RANBP17: variants seen among roughly 807,000 people sequenced by gnomAD.
RANBP17 encodes ran-binding protein 17.
RANBP17 carries 158 observed loss-of-function variants against 141.2 expected under a neutral mutation model. That is an observed-to-expected ratio of 1.12 (90% CI 0.98 to 1.28). The LOEUF (loss-of-function observed/expected upper bound fraction) is 1.28, where lower values mean the gene tolerates loss of function less well. Ranked by LOEUF, RANBP17 falls within the 50% of genes most tolerant of loss-of-function variation. RANBP17 has a pLI of 0.00. For synonymous variants in RANBP17, 430 were observed against 450.0 expected (o/e 0.96, Z 0.56); for missense variants, 1,438 against 1,290.7 (o/e 1.11, Z -1.75).
intron 14 of RANBP17, among the ~76,000 whole-genome samples, chr5:170,981,416 G>A (rs182694579): frequency 6.6e-6 from 1 of 152,230 alleles, no homozygotes; most frequent in East Asian, 1.9e-4. Flanking sequence ...GAATTCTCGT[G>A]TGTTGTGGGA....
intron 14 of RANBP17, among the ~76,000 whole-genome samples, chr5:170,986,533 T>C (rs1475402894): frequency 6.6e-6 from 1 of 151,926 alleles, no homozygotes; most frequent in Admixed American, 6.6e-5. Context: ...TGTATGCCTT[T>C]ATCAAAACAT....
At chr5:171,238,191 A>T (rs1437761932) in intron 22 of RANBP17, among the ~76,000 whole-genome samples, 1 of 152,180 alleles carries the variant, frequency 6.6e-6, no homozygotes, top group African/African-American at 2.4e-5. Context: ...GTCTTCCATT[A>T]TTAAGACGCT....
Position 170,924,539 on chromosome 5 carries a change from C to G in RANBP17, c.1457C>G (p.Thr486Ser). ...TATTCTGGTGTAACTGTGGACATCA[C>G]CATTCAGGAAGGTCAGTAAACTTTA... ...HPYSGVTVDITIQEGRLAWLV... is the reference protein window; with the variant it reads ...HPYSGVTVDISIQEGRLAWLV... Residue 486 changes from threonine (T) to serine (S), a missense_variant, in exon 12 of 28, where the codon ACC becomes AGC. Physicochemically the swap from Thr to Ser is moderately conservative, Grantham distance 58. Coordinates refer to ENST00000523189, the MANE Select transcript of RANBP17 (RefSeq NM_022897.5). 4 of 1,596,150 alleles carry G rather than the reference C, an allele frequency of 2.5e-6. No homozygotes were observed. The highest frequency in any genetic ancestry group is 3.4e-6 in the Non-Finnish European group (4 of 1,165,908).
At chr5:170,920,435 T>C (rs1298513197) in intron 11 of RANBP17, among the ~76,000 whole-genome samples, 1 of 152,164 alleles carries the variant, frequency 6.6e-6, no homozygotes, top group African/African-American at 2.4e-5. Context: ...CATGCACTTA[T>C]TTACCATCTG....
intron 14 of RANBP17, among the ~76,000 whole-genome samples, chr5:171,065,190 C>G (rs1364626393): frequency 2.6e-5 from 4 of 152,028 alleles, no homozygotes; most frequent in Non-Finnish European, 5.9e-5. Context: ...AGGAATGAAT[C>G]TACTTTTACC....
At chr5:171,277,712 T>G (rs1767608333) in intron 25 of RANBP17, among the ~76,000 whole-genome samples, 2 of 140,020 alleles carry the variant, frequency 1.4e-5, no homozygotes, top group Non-Finnish European at 3.1e-5. Context: ...ATCTCCATTT[T>G]GTAATCAAAA....
chr5:171,252,773 G>A, intron 24 of RANBP17: 2 of 1,283,062 alleles, frequency 1.6e-6, no homozygotes, highest in Non-Finnish European at 2.3e-6. Flanking sequence ...TCATATGAAA[G>A]TGTGGAGGGT....
intron 14 of RANBP17, among the ~76,000 whole-genome samples, chr5:171,123,424 T>C (rs964051896): frequency 4.6e-5 from 7 of 152,226 alleles, no homozygotes; most frequent in African/African-American, 1.7e-4. Context: ...GGCACACATG[T>C]ATGTCATTTG....
At chr5:171,065,990 AG>A in intron 14 of RANBP17, among the ~76,000 whole-genome samples, 1 of 151,634 alleles carries the variant, frequency 6.6e-6, no homozygotes, top group South Asian at 2.1e-4. Context: ...CCTCCTAAGT[AG>A]CTGAGATTAC....
At chr5:170,878,348 G>GT (rs1286297044) in intron 2 of RANBP17, 105 bp downstream of exon 2, 28 of 971,820 alleles carry the variant, frequency 2.9e-5, no homozygotes, top group Non-Finnish European at 3.8e-5. Flanking sequence ...TTGCCACATG[G>GT]TTTTTTTGTT....
intron 14 of RANBP17, among the ~76,000 whole-genome samples, chr5:171,055,231 C>T (rs371556877): frequency 7.7e-4 from 117 of 152,262 alleles, no homozygotes; most frequent in African/African-American, 2.7e-3. Context: ...TTACATTACT[C>T]ATCCCTCTTG....
At chr5:171,251,639 A>T (rs556001053) in intron 24 of RANBP17, among the ~76,000 whole-genome samples, 1 of 152,238 alleles carries the variant, frequency 6.6e-6, no homozygotes, top group South Asian at 2.1e-4. Flanking sequence ...AAGGAAGTTT[A>T]TAGGCTTGAG....
At chr5:171,107,429 G>C (rs1448030182) in intron 14 of RANBP17, among the ~76,000 whole-genome samples, 1 of 152,124 alleles carries the variant, frequency 6.6e-6, no homozygotes, top group Admixed American at 6.5e-5. Flanking sequence ...AACAAAGTTT[G>C]TTAAATTGCT....
chr5:170,951,430 A>G (rs1167513147), intron 12 of RANBP17, among the ~76,000 whole-genome samples: 1 of 152,126 alleles, frequency 6.6e-6, no homozygotes, highest in Non-Finnish European at 1.5e-5. Context: ...ATAAGTATTG[A>G]TATGTGCTAA....
At chr5:170,963,779 G>C (rs1477196952) in intron 13 of RANBP17, among the ~76,000 whole-genome samples, 1 of 152,194 alleles carries the variant, frequency 6.6e-6, no homozygotes, top group Non-Finnish European at 1.5e-5. Flanking sequence ...CCACAGACTA[G>C]TACCGGTCTG....
At chr5:171,268,357 T>C (rs1581154619) in intron 25 of RANBP17, among the ~76,000 whole-genome samples, 1 of 152,096 alleles carries the variant, frequency 6.6e-6, no homozygotes, top group East Asian at 1.9e-4. Flanking sequence ...GATGAATAAA[T>C]TGAGGTACAG....
At chr5:171,266,842 G>T (rs1336751051) in intron 25 of RANBP17, among the ~76,000 whole-genome samples, 2 of 151,858 alleles carry the variant, frequency 1.3e-5, no homozygotes, top group African/African-American at 4.8e-5. Context: ...AACCTGGGGA[G>T]GCAGAGGTTG....
intron 6 of RANBP17, 33 bp from the exon 7 acceptor site, chr5:170,910,936 G>T (rs574817430): frequency 1.3e-6 from 2 of 1,590,102 alleles, no homozygotes; most frequent in East Asian, 2.2e-5. Flanking sequence ...GATGTATTTC[G>T]CAGTGTTTTC....
chr5:171,013,988 G>A lies in RANBP17; in HGVS notation c.1710+45611G>A, dbSNP rs569484950. 3.9e-5 allele frequency among the ~76,000 whole-genome samples: 6 copies of A among 152,060 alleles called. No homozygotes were observed. The East Asian group carries it at 1.2e-3, about 29-fold the overall frequency. On this transcript the variant is annotated intron_variant, in intron 14 of 27. Coordinates refer to ENST00000523189, the MANE Select transcript of RANBP17 (RefSeq NM_022897.5). ...ATTTATCTTCTCACACTTCTATACA[G>A]TTTCACTTTATATATTTTGAAACTC... is the stretch of plus-strand genomic sequence containing the variant.
Sources: gnomAD v4.1 joint callset for allele counts (sites outside exome capture counted in the v4.1 genomes callset) on GRCh38, gnomAD v4.1.1 for gene constraint, MANE v1.5 for transcripts, NCBI Gene and HGNC (gene_info 2026-07-23, HGNC 2026-07-21) for gene names.